LRRC49: variants seen among roughly 807,000 people sequenced by gnomAD.
LRRC49 encodes the protein leucine-rich repeat-containing protein 49.
LRRC49 carries 50 observed loss-of-function variants against 83.3 expected under a neutral mutation model. The ratio of observed to expected loss-of-function variants is 0.60; its 90% CI spans 0.48 to 0.76. LRRC49 has a LOEUF of 0.76. Among genes scored for constraint, LRRC49 ranks in the 30% least tolerant of loss-of-function variants. The pLI is 0.00. For synonymous variants in LRRC49, 286 were observed against 283.3 expected, an observed-to-expected ratio of 1.01 and a Z score of -0.10; for missense variants, 704 against 809.1, an observed-to-expected ratio of 0.87 and a Z score of 1.58.
intron 9 of LRRC49, among the ~76,000 whole-genome samples, chr15:70,967,345 A>G (rs2141203776): frequency 6.6e-6 from 1 of 152,218 alleles, no homozygotes; most frequent in South Asian, 2.1e-4. Context: ...GGATTTGCCT[A>G]TTAAGAAGAC....
intron 9 of LRRC49, among the ~76,000 whole-genome samples, chr15:70,969,769 T>C (rs2036926302): frequency 6.6e-6 from 1 of 152,170 alleles, no homozygotes; most frequent in South Asian, 2.1e-4. Context: ...TGCTCATGAT[T>C]TGGCTCTCTG....
chr15:70,926,445 G>A (rs2035201293), intron 7 of LRRC49, among the ~76,000 whole-genome samples: 1 of 152,062 alleles, frequency 6.6e-6, no homozygotes, highest in African/African-American at 2.4e-5. Flanking sequence ...TAAATATGTA[G>A]GAGTGTTATT....
chr15:71,024,623 A>G (rs1474899065), intron 14 of LRRC49, among the ~76,000 whole-genome samples: 1 of 152,174 alleles, frequency 6.6e-6, no homozygotes, highest in East Asian at 1.9e-4. Context: ...TCAAAGATCG[A>G]AGATAAATTA....
At position 70,898,487 on chromosome 15, in the gene LRRC49, A is replaced by G. The variant is rs566785153; in HGVS notation, c.194-2435A>G. 134 of 691,350 alleles carry G rather than the reference A, an allele frequency of 1.9e-4. No homozygotes were observed. The South Asian group carries it at 2.0e-3, about 10-fold the overall frequency. The allele number at this position is 691,350 out of a possible 1,614,324, so 42.8% of individuals were successfully genotyped here. A position where few individuals can be genotyped will look rare whatever the true frequency, so the allele number is the denominator to read the frequency against. ...TAAATAGTAATATAAGAAATAAATA[A>G]TAACAGGCCGGTTGCTATGGCTCAT... On this transcript the variant is annotated intron_variant, in intron 3 of 15. Coordinates refer to ENST00000260382, the MANE Select transcript of LRRC49 (RefSeq NM_017691.5).
intron 2 of LRRC49, among the ~76,000 whole-genome samples, chr15:70,880,245 C>G (rs530534789): frequency 6.6e-6 from 1 of 152,316 alleles, no homozygotes; most frequent in South Asian, 2.1e-4. Context: ...AAACCTCTCC[C>G]CCCACCTCAA....
At chr15:71,020,814 G>C (rs901898547) in intron 14 of LRRC49, among the ~76,000 whole-genome samples, 1 of 152,114 alleles carries the variant, frequency 6.6e-6, no homozygotes, top group Non-Finnish European at 1.5e-5. Context: ...TACACTAAAA[G>C]AAATTATAAA....
At chr15:70,909,608 AG>A (rs1256890598) in intron 5 of LRRC49, among the ~76,000 whole-genome samples, 3 of 152,124 alleles carry the variant, frequency 2.0e-5, no homozygotes, top group African/African-American at 7.2e-5. Flanking sequence ...TGGGAGGGTG[AG>A]GCAGGCGGAT....
intron 11 of LRRC49, among the ~76,000 whole-genome samples, chr15:71,005,275 C>G (rs1282620782): frequency 6.6e-6 from 1 of 152,050 alleles, no homozygotes; most frequent in East Asian, 1.9e-4. Flanking sequence ...CTTTTCCCCT[C>G]TGGAAGAATT....
chr15:71,001,055 A>G (rs2038237868), intron 11 of LRRC49, among the ~76,000 whole-genome samples: 5 of 152,152 alleles, frequency 3.3e-5, no homozygotes, highest in African/African-American at 9.7e-5. Flanking sequence ...ACCCACTTAG[A>G]TTGTGTTTAG....
intron 5 of LRRC49, chr15:70,908,640 G>C (rs1000839149): frequency 5.3e-5 from 8 of 152,200 alleles, no homozygotes; most frequent in African/African-American, 1.9e-4. Flanking sequence ...ATTACCATTG[G>C]CTCTGTGATT....
chr15:70,964,220 AG>A (rs2036712496), intron 9 of LRRC49, among the ~76,000 whole-genome samples: 1 of 152,106 alleles, frequency 6.6e-6, no homozygotes, highest in South Asian at 2.1e-4. Context: ...TGAATGAGTG[AG>A]AATTTCTTTA....
chr15:70,896,773 A>T (rs1292624017), intron 3 of LRRC49, among the ~76,000 whole-genome samples: 1 of 152,152 alleles, frequency 6.6e-6, no homozygotes, highest in Non-Finnish European at 1.5e-5. Context: ...CTGTGGGAAC[A>T]TATGGCAATT....
At chr15:70,866,112 A>C (rs2032904487) in intron 1 of LRRC49, among the ~76,000 whole-genome samples, 1 of 148,812 alleles carries the variant, frequency 6.7e-6, no homozygotes, top group African/African-American at 2.5e-5. Context: ...GGTACATGTA[A>C]AGTATTTATT....
At chr15:70,872,749 A>C (rs12902589) in intron 1 of LRRC49, among the ~76,000 whole-genome samples, 6 of 151,898 alleles carry the variant, frequency 4.0e-5, no homozygotes, top group African/African-American at 1.2e-4. Context: ...GAAAGCTCTC[A>C]TATCCACTGA....
At chr15:70,984,810 T>C (rs983271119) in intron 11 of LRRC49, among the ~76,000 whole-genome samples, 1 of 131,098 alleles carries the variant, frequency 7.6e-6, no homozygotes, top group Non-Finnish European at 1.6e-5. Context: ...CCCCAGAGTG[T>C]GATGTTCCCC....
intron 14 of LRRC49, among the ~76,000 whole-genome samples, chr15:71,028,293 G>A (rs1026376807): frequency 3.9e-5 from 6 of 152,198 alleles, no homozygotes; most frequent in African/African-American, 1.4e-4. Flanking sequence ...CAGGGATAAA[G>A]CCAACTTGAT....
chr15:70,879,700 AC>A (rs1367186871), intron 2 of LRRC49, among the ~76,000 whole-genome samples: 4 of 151,692 alleles, frequency 2.6e-5, no homozygotes, highest in African/African-American at 9.7e-5. Flanking sequence ...ATCACTTTTC[AC>A]TCTGGCAGCA....
rs1033717098 is a variant in LRRC49, at chr15:70,898,491, C to T, written c.194-2431C>T. ...TAGTAATATAAGAAATAAATAATAA[C>T]AGGCCGGTTGCTATGGCTCATGCCT... is the stretch of plus-strand genomic sequence containing the variant. On this transcript the variant is annotated intron_variant, in intron 3 of 15. Coordinates refer to ENST00000260382, the MANE Select transcript of LRRC49 (RefSeq NM_017691.5). 3 of 689,382 alleles carry T rather than the reference C, an allele frequency of 4.4e-6. No homozygotes were observed. In the Admixed American group the frequency reaches 6.2e-5, roughly 14 times the overall value. 42.7% of individuals were successfully genotyped at this position (689,382 alleles called of 1,614,324 possible). A position where few individuals can be genotyped will look rare whatever the true frequency, so the allele number is the denominator to read the frequency against.
chr15:70,885,305 G>A (rs978743736), intron 2 of LRRC49, among the ~76,000 whole-genome samples: 7 of 152,112 alleles, frequency 4.6e-5, no homozygotes, highest in African/African-American at 1.4e-4. Flanking sequence ...TGGGGCAGAC[G>A]CAATATTTGA....
Sources: gnomAD v4.1 joint callset for allele counts (sites outside exome capture counted in the v4.1 genomes callset) on GRCh38, gnomAD v4.1.1 for gene constraint, MANE v1.5 for transcripts, NCBI Gene and HGNC (gene_info 2026-07-23, HGNC 2026-07-21) for gene names.